The following ACYP2 variants were observed in gnomAD, a reference collection of about 807,000 sequenced individuals.
ACYP2 encodes acylphosphatase-2.
In ACYP2, 12 loss-of-function variants were observed where a neutral mutation model predicts 11.2. The observed-to-expected ratio is 1.08, with a 90% CI of 0.69 to 1.74. ACYP2 has a LOEUF of 1.74. Ranked by LOEUF, ACYP2 falls within the 40% of genes most tolerant of loss-of-function variation. The pLI, the probability that ACYP2 is intolerant of heterozygous loss-of-function variation, is 0.00. For missense variants in ACYP2, 134 were observed against 101.9 expected (o/e 1.31, Z -1.35); for synonymous variants, 43 against 32.2 (o/e 1.33, Z -1.13).
chr2:54,003,004 G>A (rs1672873491), intron 2 of ACYP2, among the ~76,000 whole-genome samples: 1 of 151,822 alleles, frequency 6.6e-6, no homozygotes, highest in Admixed American at 6.6e-5. Context: ...CTGGAGTGCA[G>A]TGGCATGATC....
At chr2:54,248,392 A>AGAAGG (rs1687059604) in intron 6 of ACYP2, among the ~76,000 whole-genome samples, 1 of 152,258 alleles carries the variant, frequency 6.6e-6, no homozygotes, top group African/African-American at 2.4e-5. Context: ...AACTAAAAAC[A>AGAAGG]GAAGGGCATC....
intron 6 of ACYP2, among the ~76,000 whole-genome samples, chr2:54,260,398 T>C (rs75403564): frequency 6.6e-6 from 1 of 152,096 alleles, no homozygotes; most frequent in East Asian, 1.9e-4. Context: ...AAGTCATGAA[T>C]TGGAAATGAG....
At chr2:54,285,362 G>T (rs191192778) in intron 6 of ACYP2, among the ~76,000 whole-genome samples, 1 of 152,246 alleles carries the variant, frequency 6.6e-6, no homozygotes, top group East Asian at 1.9e-4. Flanking sequence ...CTATTCTGTG[G>T]GATGCTCCTC....
At chr2:54,059,469 C>T (rs140443398) in intron 4 of ACYP2, among the ~76,000 whole-genome samples, 2,134 of 152,246 alleles carry the variant, frequency 0.014, 46 homozygotes, top group African/African-American at 0.047. Context: ...TTTTTGGCCT[C>T]CCAAAGTGCT....
chr2:54,104,240 A>T (rs1009122009), intron 4 of ACYP2, among the ~76,000 whole-genome samples: 13 of 152,234 alleles, frequency 8.5e-5, no homozygotes, highest in Admixed American at 7.9e-4. Context: ...GATGATGATC[A>T]GTAGTCTTGG....
At chr2:54,284,238 C>T (rs766689464) in intron 6 of ACYP2, among the ~76,000 whole-genome samples, 17 of 152,196 alleles carry the variant, frequency 1.1e-4, no homozygotes, top group Non-Finnish European at 1.9e-4. Context: ...GCTCCATAAA[C>T]GATTCAGGTC....
intron 4 of ACYP2, among the ~76,000 whole-genome samples, chr2:54,125,424 A>C (rs1372625077): frequency 6.6e-6 from 1 of 151,972 alleles, no homozygotes; most frequent in African/African-American, 2.4e-5. Context: ...CAAAAATATA[A>C]TCTGGAAAAA....
chr2:54,087,682 T>A (rs1678011112), intron 4 of ACYP2, among the ~76,000 whole-genome samples: 1 of 152,136 alleles, frequency 6.6e-6, no homozygotes, highest in South Asian at 2.1e-4. Flanking sequence ...TATTATCTCC[T>A]TCTTCATTAT....
intron 6 of ACYP2, among the ~76,000 whole-genome samples, chr2:54,166,464 A>G (rs947759328): frequency 1.3e-5 from 2 of 152,150 alleles, no homozygotes; most frequent in African/African-American, 4.8e-5. Flanking sequence ...GAGACTGAAT[A>G]AAGGATTTTA....
intron 2 of ACYP2, among the ~76,000 whole-genome samples, chr2:54,026,676 T>A (rs60776154): frequency 0.095 from 14,405 of 152,174 alleles, 929 homozygotes; most frequent in African/African-American, 0.18. Context: ...CATCAATCAA[T>A]GACTGAATAA....
intron 4 of ACYP2, among the ~76,000 whole-genome samples, chr2:54,106,377 T>G (rs1679161001): frequency 6.6e-6 from 1 of 152,012 alleles, no homozygotes; most frequent in South Asian, 2.1e-4. Context: ...TATCAGATTT[T>G]ATGAGTAAGG....
At chr2:54,248,146 CCTTT>C (rs1687047419) in intron 6 of ACYP2, among the ~76,000 whole-genome samples, 1 of 152,206 alleles carries the variant, frequency 6.6e-6, no homozygotes, top group Admixed American at 6.5e-5. Context: ...CACACAGCCT[CCTTT>C]CTGAGAATTA....
At chr2:54,081,196 C>T (rs1677626217) in intron 4 of ACYP2, among the ~76,000 whole-genome samples, 2 of 152,148 alleles carry the variant, frequency 1.3e-5, no homozygotes, top group Non-Finnish European at 2.9e-5. Flanking sequence ...GTTTATAATA[C>T]TGCTATAGTT....
chr2:54,120,424 A>G (rs1179149649), intron 4 of ACYP2, among the ~76,000 whole-genome samples: 1 of 152,228 alleles, frequency 6.6e-6, no homozygotes, highest in Non-Finnish European at 1.5e-5. Context: ...CTGTGTATAG[A>G]TGCTTTGATG....
At chr2:54,064,613 C>T (rs1049398296) in intron 4 of ACYP2, among the ~76,000 whole-genome samples, 5 of 152,132 alleles carry the variant, frequency 3.3e-5, no homozygotes, top group African/African-American at 9.7e-5. Flanking sequence ...CTTAGTTGTA[C>T]ACCGTGGTAA....
chr2:54,027,318 C>T (rs1674336684), intron 2 of ACYP2, among the ~76,000 whole-genome samples: 1 of 152,124 alleles, frequency 6.6e-6, no homozygotes, highest in Non-Finnish European at 1.5e-5. Flanking sequence ...TGGAGGGTCA[C>T]TCTCTGGCCT....
intron 6 of ACYP2, among the ~76,000 whole-genome samples, chr2:54,217,840 G>C (rs1403417923): frequency 1.3e-5 from 2 of 152,154 alleles, no homozygotes; most frequent in Non-Finnish European, 2.9e-5. Flanking sequence ...ATGATAACTG[G>C]AGTGAGATGA....
intron 6 of ACYP2, among the ~76,000 whole-genome samples, chr2:54,149,095 A>C (rs1166641097): frequency 6.6e-6 from 1 of 152,112 alleles, no homozygotes; most frequent in Non-Finnish European, 1.5e-5. Context: ...TACAAAAAAC[A>C]CAAAAATTAG....
intron 6 of ACYP2, among the ~76,000 whole-genome samples, chr2:54,154,169 T>C (rs1475962717): frequency 6.6e-6 from 1 of 152,188 alleles, no homozygotes; most frequent in Non-Finnish European, 1.5e-5. Flanking sequence ...ATTCTTCAAC[T>C]TTACTATTTA....
Sources: allele counts gnomAD v4.1 joint callset (sites outside exome capture counted in the v4.1 genomes callset), GRCh38; gene constraint gnomAD v4.1.1; transcripts MANE v1.5; gene names NCBI Gene and HGNC (gene_info 2026-07-23, HGNC 2026-07-21).